Variants in TNRC6C observed in about 807,000 individuals in gnomAD.
TNRC6C encodes the protein trinucleotide repeat-containing gene 6C protein.
Under a neutral mutation model 153.7 loss-of-function variants are expected in TNRC6C, and 20 were observed. That is an observed-to-expected ratio of 0.13 (90% confidence interval 0.09 to 0.19). TNRC6C has a LOEUF of 0.19. TNRC6C is among the 10% of genes least tolerant of loss of function. TNRC6C has a pLI of 1.00. For missense variants in TNRC6C, 1,987 were observed against 2,172.0 expected (o/e 0.91, Z 1.69); for synonymous variants, 811 against 841.4 (o/e 0.96, Z 0.63).
intron 6 of TNRC6C, 40 bp downstream of exon 8, chr17:78,071,205 C>A (rs978506392): frequency 1.9e-6 from 3 of 1,556,688 alleles, no homozygotes; most frequent in Non-Finnish European, 2.6e-6. Context: ...ACCATGCTTC[C>A]CAAAATGAAA....
exon 15 of TNRC6C, chr17:78,093,114 C>T (rs555228470): frequency 6.2e-6 from 10 of 1,612,670 alleles, no homozygotes; most frequent in Middle Eastern, 2.0e-4. Flanking sequence ...CTAGCATCAA[C>T]TGGCCCCCAG....
chr17:78,020,641 T>C (rs146894093), intron 1 of TNRC6C, among the ~76,000 whole-genome samples: 59 of 152,370 alleles, frequency 3.9e-4, no homozygotes, highest in African/African-American at 1.3e-3. Flanking sequence ...TTAAATAGGC[T>C]AGTTGCATCA....
At chr17:78,003,364 A>C (rs750743524), upstream of TNRC6C, among the ~76,000 whole-genome samples, 1 of 152,244 alleles carries the variant, frequency 6.6e-6, no homozygotes, top group Non-Finnish European at 1.5e-5. Flanking sequence ...AAAGATATGC[A>C]GAAAACTTAG....
At chr17:77,970,904 G>T (rs2070935565) in intron 1 of TNRC6C, among the ~76,000 whole-genome samples, 1 of 152,150 alleles carries the variant, frequency 6.6e-6, no homozygotes, top group Non-Finnish European at 1.5e-5. Context: ...AGCTACTCAG[G>T]AGGCTGAGGT....
intron 1 of TNRC6C, among the ~76,000 whole-genome samples, chr17:77,968,058 G>C (rs1262046553): frequency 6.6e-6 from 1 of 152,176 alleles, no homozygotes; most frequent in Non-Finnish European, 1.5e-5. Flanking sequence ...TTTTGAGACA[G>C]AGCCTCGCTC....
At chr17:77,960,758 G>A (rs557547247) in intron 1 of TNRC6C, among the ~76,000 whole-genome samples, 19 of 152,270 alleles carry the variant, frequency 1.2e-4, no homozygotes, top group African/African-American at 4.1e-4. Context: ...TTTCACTGTA[G>A]CACCCCTAGG....
At chr17:78,028,489 G>A (rs1306265749) in intron 1 of TNRC6C, among the ~76,000 whole-genome samples, 2 of 151,932 alleles carry the variant, frequency 1.3e-5, no homozygotes, top group Admixed American at 1.3e-4. Context: ...AGGAAGTAGG[G>A]AGAGTAGACA....
intron 16 of TNRC6C, among the ~76,000 whole-genome samples, chr17:78,095,551 G>C (rs2073470416): frequency 6.6e-6 from 1 of 152,216 alleles, no homozygotes; most frequent in South Asian, 2.1e-4. Context: ...CCTGGCACTT[G>C]TACACAGACA....
At chr17:78,092,253 A>G (rs567680548) in intron 14 of TNRC6C, among the ~76,000 whole-genome samples, 2 of 152,366 alleles carry the variant, frequency 1.3e-5, no homozygotes, top group Admixed American at 1.3e-4. Context: ...AAAGGAAACT[A>G]TGTCTCATGG....
At chr17:78,031,024 G>A (rs549107708) in intron 1 of TNRC6C, among the ~76,000 whole-genome samples, 6 of 152,238 alleles carry the variant, frequency 3.9e-5, no homozygotes, top group African/African-American at 9.6e-5. Context: ...ACTTGAATCC[G>A]GGAGGTGGAG....
chr17:78,101,106 T>C (rs1008564157), intron 17 of TNRC6C, among the ~76,000 whole-genome samples: 1 of 152,170 alleles, frequency 6.6e-6, no homozygotes, highest in African/African-American at 2.4e-5. Flanking sequence ...TCGACTTTCC[T>C]TATAAAACGG....
exon 9 of TNRC6C, chr17:78,077,250 C>G (rs1381100577): frequency 1.9e-6 from 3 of 1,601,130 alleles, no homozygotes; most frequent in Non-Finnish European, 2.6e-6. Context: ...TGAAGCTCCC[C>G]CTTTCACACA....
At chr17:78,022,039 C>T (rs2071843388) in intron 1 of TNRC6C, among the ~76,000 whole-genome samples, 1 of 152,060 alleles carries the variant, frequency 6.6e-6, no homozygotes, top group South Asian at 2.1e-4. Flanking sequence ...GCCTTTGGGC[C>T]AAAAAGATGC....
Position 78,075,240 on chromosome 17 carries a change from A to G in TNRC6C, c.3022A>G (p.Lys1008Glu). The change falls in exon 8 of 20, where the codon AAA (lysine) becomes GAA (glutamate). Residue 1008 changes from lysine (K) to glutamate (E), a missense_variant. Coordinates refer to ENST00000301624, the Ensembl canonical transcript of TNRC6C. The surrounding 1 kb of genome is among the most constrained non-coding windows in gnomAD (Gnocchi z 4.2). ...CCTCGGCTGCCGCCCGCCAATCTCC[A>G]AAGAGTCTTCCGTGGACCGCCCCAC... The G allele has an allele frequency of 1.9e-6, 3 of 1,603,846 alleles. No individual in the cohort carries two copies. The highest frequency in any genetic ancestry group is 2.6e-6 in the Non-Finnish European group (3 of 1,175,090).
chr17:77,971,889 G>T (rs1207410978), intron 1 of TNRC6C, among the ~76,000 whole-genome samples: 3 of 150,616 alleles, frequency 2.0e-5, no homozygotes, highest in African/African-American at 7.3e-5. Flanking sequence ...AAAAGAACAT[G>T]TCAAAATTGA....
rs774657335 is a variant in TNRC6C at position 78,071,081 on chromosome 17, C to G, written c.2779-4C>G. 4.4e-6 allele frequency: 7 copies of G among 1,598,758 alleles called. No individual in the cohort carries two copies. In the South Asian group the frequency reaches 7.9e-5, roughly 18 times the overall value. ...ACTTCCCCCTTTCCCACACTTTGTT[C>G]AAGGGCATGAAGACGTCTGGCAAGC... On this transcript the variant is annotated splice_polypyrimidine_tract_variant and splice_region_variant and intron_variant, in intron 5 of 19. Transcript: ENST00000301624.
rs57885030 is a variant in TNRC6C, at chr17:78,105,113, A to ATT, written c.*283_*284dup. 2,314 of 295,030 alleles carry ATT rather than the reference A, an allele frequency of 7.8e-3. 7 individuals are homozygous for ATT. The highest frequency in any genetic ancestry group is 9.8e-3 in the Non-Finnish European group (1,615 of 164,906). The allele number at this position is 295,030 out of a possible 1,614,324, so 18.3% of individuals were successfully genotyped here. ...GTTTGTATAGTGTGTTGTCATTTTG[A>ATT]TTTTTTTTTTTTTTTTAAGTATAAA... is the stretch of plus-strand genomic sequence containing the variant. On this transcript the variant is annotated 3_prime_UTR_variant, in exon 20 of 20. Transcript: ENST00000301624.
intron 4 of TNRC6C, among the ~76,000 whole-genome samples, chr17:78,065,820 G>A (rs1446552741): frequency 6.6e-6 from 1 of 152,132 alleles, no homozygotes; most frequent in East Asian, 1.9e-4. Context: ...CAGGTAATAA[G>A]TATCCTTATA....
intron 1 of TNRC6C, among the ~76,000 whole-genome samples, chr17:77,972,510 T>A (rs2070947367): frequency 6.7e-6 from 1 of 149,322 alleles, no homozygotes; most frequent in African/African-American, 2.5e-5. Flanking sequence ...AGACTCTGTC[T>A]TAAAAAAAAA....
Sources: gnomAD v4.1 joint callset for allele counts (sites outside exome capture counted in the v4.1 genomes callset) on GRCh38, gnomAD v4.1.1 for gene constraint, Gnocchi (gnomAD v3.1) non-coding constraint, MANE v1.5 for transcripts, NCBI Gene and HGNC (gene_info 2026-07-23, HGNC 2026-07-21) for gene names.